The following USP42 variants were observed in gnomAD, a reference collection of about 807,000 sequenced individuals.
USP42 encodes ubiquitin carboxyl-terminal hydrolase 42.
In USP42, 23 loss-of-function variants were observed where a neutral mutation model predicts 113.0. That is an observed-to-expected ratio of 0.20 (90% CI 0.15 to 0.29). USP42 has a LOEUF of 0.29. Ranked by LOEUF, USP42 falls within the 10% of genes least tolerant of loss-of-function variation. The pLI, the probability that USP42 is intolerant of heterozygous loss-of-function variation, is 1.00. For synonymous variants in USP42, 933 were observed against 699.0 expected (o/e 1.33, Z -5.28); for missense variants, 2,174 against 1,779.8 (o/e 1.22, Z -3.99).
chr7:6,155,456 A>G (rs1308481200), intron 15 of USP42, among the ~76,000 whole-genome samples: 1 of 152,170 alleles, frequency 6.6e-6, no homozygotes, highest in Non-Finnish European at 1.5e-5. Flanking sequence ...TGATAGTGCC[A>G]TTTTTGGTGA....
intron 1 of USP42, among the ~76,000 whole-genome samples, chr7:6,109,581 A>C (rs1434924105): frequency 6.6e-6 from 1 of 151,328 alleles, no homozygotes; most frequent in Non-Finnish European, 1.5e-5. Context: ...TTTAGTAGAG[A>C]TGGGGTTTCC....
chr7:6,108,733 C>T (rs1047557105), intron 1 of USP42, among the ~76,000 whole-genome samples: 3 of 152,300 alleles, frequency 2.0e-5, no homozygotes, highest in East Asian at 1.9e-4. Context: ...CCCGCCTTGG[C>T]CTCCCAAAGT....
chr7:6,145,703 A>G, intron 10 of USP42, 47 bp downstream of exon 10: 1 of 1,574,566 alleles, frequency 6.4e-7, no homozygotes, highest in Non-Finnish European at 8.7e-7. Flanking sequence ...TACATGCTAT[A>G]AGACAGCAGT....
At chr7:6,104,812 C>T (rs1779164105), upstream of USP42, 1 of 151,308 alleles carries the variant, frequency 6.6e-6, no homozygotes, top group South Asian at 2.0e-4. Flanking sequence ...CTGCGCGCCG[C>T]GCTTCTTGTG....
intron 3 of USP42, among the ~76,000 whole-genome samples, chr7:6,123,674 T>A (rs1780362250): frequency 6.6e-6 from 1 of 151,126 alleles, no homozygotes; most frequent in African/African-American, 2.4e-5. Context: ...AAATAAAAAA[T>A]AAATAAAAAT....
chr7:6,131,581 C>T (rs544893779), intron 3 of USP42, among the ~76,000 whole-genome samples: 1 of 152,300 alleles, frequency 6.6e-6, no homozygotes, highest in South Asian at 2.1e-4. Flanking sequence ...CACGAGGCTG[C>T]CCCTTCCTCA....
At position 6,139,975 on chromosome 7, in the gene USP42, C is replaced by T. The variant is rs1781352854; in HGVS notation, c.657-153C>T. On this transcript the variant is annotated intron_variant, in intron 5 of 17. Coordinates refer to ENST00000306177, the MANE Select transcript of USP42 (RefSeq NM_032172.3). This position sits in a 1 kb window ranked among gnomAD's most constrained non-coding sequence, Gnocchi z 4.5. Reference sequence around the variant, plus strand: ...TGTGTTCTGGCCAGGAAGGGATGCTCTTGGGCTGCCACACGTGCCATCCTT... The same window carrying T: ...TGTGTTCTGGCCAGGAAGGGATGCTTTTGGGCTGCCACACGTGCCATCCTT... 1 of 740,458 alleles carries T rather than the reference C, an allele frequency of 1.4e-6. No homozygotes were observed. The highest frequency in any genetic ancestry group is 1.7e-5 in the African/African-American group (1 of 58,136). 45.9% of individuals were successfully genotyped at this position (740,458 alleles called of 1,614,324 possible).
intron 3 of USP42, among the ~76,000 whole-genome samples, chr7:6,125,841 G>T (rs777386327): frequency 1.3e-5 from 2 of 149,382 alleles, no homozygotes; most frequent in Non-Finnish European, 1.5e-5. Flanking sequence ...GGTTTGAAAT[G>T]TCTTTATTTT....
chr7:6,147,338 C>G (rs550752939), intron 11 of USP42, among the ~76,000 whole-genome samples: 35 of 152,332 alleles, frequency 2.3e-4, no homozygotes, highest in African/African-American at 8.4e-4. Flanking sequence ...TGGTGCATGT[C>G]TGTGGTCCCA....
chr7:6,135,521 G>A lies in USP42; in HGVS notation c.443-320G>A, dbSNP rs907407605. On this transcript the variant is annotated intron_variant, in intron 3 of 17. Transcript: ENST00000306177. ...AAAAAAATTAGCCAGGCATGGTGGC[G>A]CATGTAGTAGTCCCAGCTACTTGGG... is the stretch of plus-strand genomic sequence containing the variant. Among the ~76,000 whole-genome samples, 10 of 151,600 alleles carry A rather than the reference G, an allele frequency of 6.6e-5. No homozygotes were observed. In the East Asian group the frequency reaches 9.7e-4, roughly 15 times the overall value.
rs1460843906 is a variant in USP42 at position 6,159,842 on chromosome 7, G to C, written c.*36+349G>C. On this transcript the variant is annotated intron_variant, in intron 17 of 17. Coordinates refer to ENST00000306177, the MANE Select transcript of USP42 (RefSeq NM_032172.3). This position sits in a 1 kb window ranked among gnomAD's most constrained non-coding sequence, Gnocchi z 4.1. ...TAAACATCTGGGAAGGGAGAGGCCC[G>C]GTCCCCAGCACAGGCACCTCACTCA... is the stretch of plus-strand genomic sequence containing the variant. 6.6e-6 allele frequency among the ~76,000 whole-genome samples: 1 copy of C among 152,078 alleles called. No homozygotes were observed. Among genetic ancestry groups the C allele is most frequent in the Non-Finnish European group, 1.5e-5 (1 of 68,004 alleles).
At chr7:6,149,240 C>G (rs1342508997) in intron 12 of USP42, among the ~76,000 whole-genome samples, 3 of 152,152 alleles carry the variant, frequency 2.0e-5, no homozygotes, top group East Asian at 1.9e-4. Flanking sequence ...TCTGCATCAG[C>G]GAGCTCCCAG....
the USP42 span, among the ~76,000 whole-genome samples, chr7:6,097,312 C>T: frequency 3.3e-4 from 50 of 150,670 alleles, no homozygotes; most frequent in Non-Finnish European, 5.7e-4. Flanking sequence ...TGTCCTCTTC[C>T]CTGAGAGTAG....
In USP42 at chr7:6,157,399, A is replaced by T. The variant is rs1002514442; in HGVS notation, c.3943+344A>T. On this transcript the variant is annotated intron_variant, in intron 16 of 17. Transcript: ENST00000306177. The surrounding 1 kb of genome is among the most constrained non-coding windows in gnomAD (Gnocchi z 4.1). The stretch of plus-strand genomic sequence containing the variant: ...GTTTGGTTTTATTTTATTTTATTTT[A>T]TTTATTTTATTTTTTGAGACGGAGT... 2 of 984,554 alleles carry T rather than the reference A, an allele frequency of 2.0e-6. No homozygotes were observed. Among genetic ancestry groups the T allele is most frequent in the Non-Finnish European group, 2.4e-6 (2 of 828,094 alleles). 61.0% of individuals were successfully genotyped at this position (984,554 alleles called of 1,614,324 possible).
chr7:6,083,243 TTTA>T, the USP42 span, among the ~76,000 whole-genome samples: 1 of 138,166 alleles, frequency 7.2e-6, no homozygotes, highest in Non-Finnish European at 1.6e-5. Context: ...TATTTATTTA[TTTA>T]TTTATTTATT....
chr7:6,126,840 A>G (rs1325437039), intron 3 of USP42, among the ~76,000 whole-genome samples: 1 of 152,210 alleles, frequency 6.6e-6, no homozygotes, highest in African/African-American at 2.4e-5. Context: ...GTGAGTGTAT[A>G]TAGCTCTTTT....
At chr7:6,145,923 A>C (rs1471978248) in intron 10 of USP42, among the ~76,000 whole-genome samples, 1 of 152,044 alleles carries the variant, frequency 6.6e-6, no homozygotes, top group Non-Finnish European at 1.5e-5. Flanking sequence ...TACAAAAATT[A>C]TCTGCGTGTG....
chr7:6,105,313 G>A (rs1284144157), intron 1 of USP42, among the ~76,000 whole-genome samples: 4 of 147,486 alleles, frequency 2.7e-5, no homozygotes, highest in Non-Finnish European at 1.5e-5. Context: ...CGGCGAGGCC[G>A]GGCCCCCCTG....
At chr7:6,152,671 C>T (rs1238734090) in intron 14 of USP42, among the ~76,000 whole-genome samples, 1 of 152,162 alleles carries the variant, frequency 6.6e-6, no homozygotes, top group East Asian at 1.9e-4. Context: ...GGCCAGGTAG[C>T]GTGAGGGTGA....
Sources: gnomAD v4.1 joint callset for allele counts (sites outside exome capture counted in the v4.1 genomes callset) on GRCh38, gnomAD v4.1.1 for gene constraint, Gnocchi (gnomAD v3.1) non-coding constraint, MANE v1.5 for transcripts, NCBI Gene and HGNC (gene_info 2026-07-23, HGNC 2026-07-21) for gene names.